The following AGBL1 variants were observed in gnomAD, a reference collection of about 807,000 sequenced individuals.
AGBL1 encodes cytosolic carboxypeptidase 4.
Under a neutral mutation model 118.9 loss-of-function variants are expected in AGBL1, and 130 were observed. The observed-to-expected ratio is 1.09, with a 90% CI of 0.95 to 1.26. The LOEUF is 1.26. AGBL1 is among the 50% of genes most tolerant of loss of function. The probability of loss-of-function intolerance (pLI) is 0.00; values close to 1 mark genes in which losing one functional copy is unlikely to be tolerated. For missense variants in AGBL1, 1,584 were observed against 1,298.1 expected, an observed-to-expected ratio of 1.22 and a Z score of -3.38; for synonymous variants, 555 against 478.9, an observed-to-expected ratio of 1.16 and a Z score of -2.08.
chr15:86,389,707 TTATAC>T (rs1161613400), intron 17 of AGBL1, among the ~76,000 whole-genome samples: 2 of 152,128 alleles, frequency 1.3e-5, no homozygotes, highest in African/African-American at 4.8e-5. Context: ...GTAGATTATA[TTATAC>T]TATAATAAAT....
At chr15:86,830,834 T>C (rs904999533) in intron 22 of AGBL1, among the ~76,000 whole-genome samples, 8 of 152,188 alleles carry the variant, frequency 5.3e-5, no homozygotes, top group Non-Finnish European at 1.0e-4. Context: ...AGAGTACTTA[T>C]AAAATGCTTG....
chr15:86,987,975 T>A (rs1428447745), intron 23 of AGBL1: 1 of 1,611,678 alleles, frequency 6.2e-7, no homozygotes, highest in Non-Finnish European at 8.5e-7. Flanking sequence ...CTCATTTATC[T>A]GAACATTACA....
In AGBL1 at chr15:86,379,448, T is replaced by C. The variant is rs990911567; in HGVS notation, c.2375-17918T>C. ...TTCAAACTAGATATGGCCATACCAA[T>C]AATGTATTCACTCATTCATTTGATT... On this transcript the variant is annotated intron_variant, in intron 17 of 22. Transcript: ENST00000614907. 3.3e-5 allele frequency among the ~76,000 whole-genome samples: 5 copies of C among 152,204 alleles called. No homozygotes were observed. The South Asian group carries it at 1.0e-3, about 31-fold the overall frequency.
At chr15:86,531,934 T>G (rs2083354330) in intron 19 of AGBL1, among the ~76,000 whole-genome samples, 1 of 151,134 alleles carries the variant, frequency 6.6e-6, no homozygotes, top group South Asian at 2.1e-4. Flanking sequence ...AAACTCTCAA[T>G]AAATTATGTA....
At position 86,410,678 on chromosome 15, in the gene AGBL1, A is replaced by T. The variant is rs147349731; in HGVS notation, c.2555+13132A>T. Reference sequence around the variant, plus strand: ...GGGCATCTATGTTCTTCTCAATGGTAGGGCCAAACAGTCTTAATAATCTTT... The same window carrying T: ...GGGCATCTATGTTCTTCTCAATGGTTGGGCCAAACAGTCTTAATAATCTTT... On this transcript the variant is annotated intron_variant, in intron 18 of 22. Coordinates refer to ENST00000614907, the MANE Select transcript of AGBL1 (RefSeq NM_001386094.1). Among the ~76,000 whole-genome samples, 1,217 of 150,158 alleles carry T rather than the reference A, an allele frequency of 8.1e-3. 19 individuals are homozygous for T. The highest frequency in any genetic ancestry group is 0.029 in the African/African-American group (1,166 of 40,798).
At chr15:86,523,109 C>T (rs1033157763) in intron 19 of AGBL1, among the ~76,000 whole-genome samples, 170 bp downstream of exon 19, 4 of 152,204 alleles carry the variant, frequency 2.6e-5, no homozygotes, top group African/African-American at 9.6e-5. Flanking sequence ...TACCAAACTG[C>T]CACAACTGGG....
intron 1 of AGBL1, among the ~76,000 whole-genome samples, chr15:86,134,214 C>G (rs1403755206): frequency 6.6e-6 from 1 of 152,058 alleles, no homozygotes; most frequent in Non-Finnish European, 1.5e-5. Context: ...TCATTAACAA[C>G]TTCAAATTTA....
intron 5 of AGBL1, among the ~76,000 whole-genome samples, chr15:86,180,611 C>T (rs1377846176): frequency 6.6e-6 from 1 of 151,974 alleles, no homozygotes; most frequent in Admixed American, 6.6e-5. Flanking sequence ...TGATCTTCAG[C>T]TAGGCAAAAA....
At chr15:86,810,289 G>A (rs113329404) in intron 22 of AGBL1, among the ~76,000 whole-genome samples, 1 of 152,012 alleles carries the variant, frequency 6.6e-6, no homozygotes, top group African/African-American at 2.4e-5. Context: ...GTGAGTAGAG[G>A]TTTTCTGATC....
In AGBL1 at chr15:86,462,833, A is replaced by T. The variant is rs569509579; in HGVS notation, c.2556-59977A>T. Among the ~76,000 whole-genome samples the T allele has an allele frequency of 9.2e-5, 14 of 152,282 alleles. No homozygotes were observed. In the South Asian group the frequency reaches 2.9e-3, roughly 32 times the overall value. On this transcript the variant is annotated intron_variant, in intron 18 of 22. Coordinates refer to ENST00000614907, the MANE Select transcript of AGBL1 (RefSeq NM_001386094.1). ...CCACATTTTCACATTTTCTTTATCCAGTCTAACATTGATGGGCTTTTGGGT... is the reference window on the plus strand; with the variant it reads ...CCACATTTTCACATTTTCTTTATCCTGTCTAACATTGATGGGCTTTTGGGT...
chr15:86,871,885 T>TA (rs1181106151), intron 22 of AGBL1, among the ~76,000 whole-genome samples: 4 of 152,218 alleles, frequency 2.6e-5, no homozygotes, highest in Non-Finnish European at 5.9e-5. Context: ...TTGAATTATT[T>TA]ATTTGAATGA....
At chr15:86,863,092 G>A (rs575770014) in intron 22 of AGBL1, among the ~76,000 whole-genome samples, 2 of 152,260 alleles carry the variant, frequency 1.3e-5, no homozygotes, top group Admixed American at 6.5e-5. Flanking sequence ...TTAGAGGTTC[G>A]AAAACAATTA....
At chr15:86,894,120 TG>T (rs1395295190) in intron 22 of AGBL1, among the ~76,000 whole-genome samples, 1 of 152,162 alleles carries the variant, frequency 6.6e-6, no homozygotes, top group Admixed American at 6.5e-5. Flanking sequence ...AGCTTCCTAG[TG>T]AAAGGAGGAA....
At chr15:86,458,353 A>G (rs2082286654) in intron 18 of AGBL1, among the ~76,000 whole-genome samples, 1 of 152,196 alleles carries the variant, frequency 6.6e-6, no homozygotes. Flanking sequence ...TATTATAATA[A>G]TTTACATTCG....
chr15:86,925,891 C>T (rs1013137344), intron 23 of AGBL1, among the ~76,000 whole-genome samples: 7 of 151,276 alleles, frequency 4.6e-5, no homozygotes, highest in Non-Finnish European at 1.5e-5. Flanking sequence ...CCACCATGCC[C>T]GGCTAATTTT....
intron 22 of AGBL1, among the ~76,000 whole-genome samples, chr15:86,860,221 T>A (rs540137142): frequency 2.6e-5 from 4 of 152,046 alleles, no homozygotes; most frequent in Non-Finnish European, 5.9e-5. Context: ...CCCTGTACCA[T>A]GTTTTAGGAT....
chr15:86,379,914 C>A (rs2081089103), intron 17 of AGBL1, among the ~76,000 whole-genome samples: 1 of 152,202 alleles, frequency 6.6e-6, no homozygotes, highest in Non-Finnish European at 1.5e-5. Context: ...CAGAAAGATT[C>A]ATAGCAGGGT....
chr15:86,946,639 G>T (rs1361573047), intron 23 of AGBL1, among the ~76,000 whole-genome samples: 4 of 151,870 alleles, frequency 2.6e-5, no homozygotes, highest in African/African-American at 9.7e-5. Context: ...CCTGAGGTTG[G>T]GAGTTCGAGA....
chr15:86,154,030 G>T (rs564384706), intron 3 of AGBL1, among the ~76,000 whole-genome samples: 1 of 152,112 alleles, frequency 6.6e-6, no homozygotes, highest in South Asian at 2.1e-4. Context: ...CATAGTCAAA[G>T]CAAGATCCAA....
Sources: allele counts gnomAD v4.1 joint callset (sites outside exome capture counted in the v4.1 genomes callset), GRCh38; gene constraint gnomAD v4.1.1; transcripts MANE v1.5; gene names NCBI Gene and HGNC (gene_info 2026-07-23, HGNC 2026-07-21).